CNTNAP2: variants seen among roughly 807,000 people sequenced by gnomAD.
CNTNAP2 encodes contactin-associated protein-like 2.
CNTNAP2 carries 98 observed loss-of-function variants against 155.2 expected under a neutral mutation model. The observed-to-expected ratio is 0.63, with a 90% CI of 0.54 to 0.75. The LOEUF is 0.75. Among genes scored for constraint, CNTNAP2 ranks in the 30% least tolerant of loss-of-function variants. The pLI is 0.00. For synonymous variants in CNTNAP2, 651 were observed against 631.2 expected, an observed-to-expected ratio of 1.03 and a Z score of -0.47; for missense variants, 1,727 against 1,688.1, an observed-to-expected ratio of 1.02 and a Z score of -0.40.
chr7:147,872,530 G>T (rs1382007221), intron 13 of CNTNAP2, among the ~76,000 whole-genome samples: 1 of 152,160 alleles, frequency 6.6e-6, no homozygotes, highest in Non-Finnish European at 1.5e-5. Flanking sequence ...CTGGAGATGA[G>T]CTCTTTCAAC....
intron 3 of CNTNAP2, among the ~76,000 whole-genome samples, chr7:147,041,400 T>C (rs758213276): frequency 2.6e-5 from 4 of 152,202 alleles, no homozygotes; most frequent in Non-Finnish European, 5.9e-5. Context: ...CTAGAGAGGC[T>C]ACCCATACAA....
intron 1 of CNTNAP2, among the ~76,000 whole-genome samples, chr7:146,421,972 A>T (rs188315937): frequency 6.6e-6 from 1 of 152,012 alleles, no homozygotes; most frequent in Admixed American, 6.6e-5. Context: ...AGATCTTTTT[A>T]TATTAGCACA....
At chr7:147,864,150 A>T (rs993906031) in intron 13 of CNTNAP2, among the ~76,000 whole-genome samples, 2 of 152,172 alleles carry the variant, frequency 1.3e-5, no homozygotes, top group African/African-American at 4.8e-5. Flanking sequence ...ACATATGGCT[A>T]GCCAGTTTTC....
At chr7:147,158,983 G>A (rs1801976619) in intron 8 of CNTNAP2, among the ~76,000 whole-genome samples, 1 of 152,090 alleles carries the variant, frequency 6.6e-6, no homozygotes, top group African/African-American at 2.4e-5. Context: ...CTTCCCTGAG[G>A]ATTCAGTGGT....
intron 13 of CNTNAP2, among the ~76,000 whole-genome samples, chr7:147,740,838 A>T (rs1486696859): frequency 2.0e-5 from 3 of 152,204 alleles, no homozygotes; most frequent in Non-Finnish European, 2.9e-5. Flanking sequence ...TGGAAGCAGG[A>T]CAGGGAAGGA....
chr7:147,720,492 A>G (rs1454329895), intron 13 of CNTNAP2, among the ~76,000 whole-genome samples: 1 of 152,136 alleles, frequency 6.6e-6, no homozygotes, highest in Non-Finnish European at 1.5e-5. Flanking sequence ...ATCCTTTCAA[A>G]AGTTTAATGC....
chr7:148,242,155 A>T (rs1232827889), intron 20 of CNTNAP2, among the ~76,000 whole-genome samples: 1 of 152,198 alleles, frequency 6.6e-6, no homozygotes, highest in Non-Finnish European at 1.5e-5. Context: ...GCAAAGCATC[A>T]TACTGTTATA....
intron 16 of CNTNAP2, among the ~76,000 whole-genome samples, chr7:148,127,541 A>C (rs781186893): frequency 1.3e-5 from 2 of 152,230 alleles, no homozygotes; most frequent in Non-Finnish European, 2.9e-5. Context: ...ATGTCCTACT[A>C]ATCTTAGGAA....
chr7:146,151,372 T>A (rs922162247), intron 1 of CNTNAP2, among the ~76,000 whole-genome samples: 2 of 151,788 alleles, frequency 1.3e-5, no homozygotes, highest in Non-Finnish European at 2.9e-5. Context: ...CTTGTACCCT[T>A]TAATCAATAT....
chr7:147,862,385 C>A (rs1381308666), intron 13 of CNTNAP2, among the ~76,000 whole-genome samples: 1 of 114,552 alleles, frequency 8.7e-6, no homozygotes, highest in African/African-American at 3.5e-5. Context: ...TCCGAAATCA[C>A]AGAATAAATT....
At chr7:146,395,024 A>G (rs555436204) in intron 1 of CNTNAP2, among the ~76,000 whole-genome samples, 17 of 152,310 alleles carry the variant, frequency 1.1e-4, no homozygotes, top group African/African-American at 2.6e-4. Flanking sequence ...GTTCACCTCA[A>G]TAATGATCTC....
At chr7:147,717,080 C>G (rs1796490797) in intron 13 of CNTNAP2, among the ~76,000 whole-genome samples, 1 of 151,870 alleles carries the variant, frequency 6.6e-6, no homozygotes, top group Non-Finnish European at 1.5e-5. Context: ...AGCTTATCAC[C>G]AAAATCTGGG....
intron 4 of CNTNAP2, among the ~76,000 whole-genome samples, chr7:147,063,178 G>T (rs1432490333): frequency 1.3e-5 from 2 of 152,180 alleles, no homozygotes; most frequent in Non-Finnish European, 2.9e-5. Context: ...TTAGTGCTTA[G>T]CCCCATGCTC....
intron 4 of CNTNAP2, among the ~76,000 whole-genome samples, chr7:147,095,081 G>A (rs1205529562): frequency 6.6e-6 from 1 of 151,834 alleles, no homozygotes. Flanking sequence ...GTGCAATGGC[G>A]CAGTCTCGGC....
chr7:147,743,676 G>C (rs1796992204), intron 13 of CNTNAP2, among the ~76,000 whole-genome samples: 1 of 128,502 alleles, frequency 7.8e-6, no homozygotes, highest in Admixed American at 8.9e-5. Context: ...TCTCCTTCCT[G>C]ACCTCTCATA....
intron 2 of CNTNAP2, among the ~76,000 whole-genome samples, chr7:146,801,803 T>C (rs755301462): frequency 6.6e-5 from 10 of 152,168 alleles, no homozygotes; most frequent in Non-Finnish European, 1.2e-4. Context: ...AAATAGCAGA[T>C]ACGGTGAATT....
intron 9 of CNTNAP2, among the ~76,000 whole-genome samples, chr7:147,382,901 CTT>C (rs145315358): frequency 3.9e-5 from 6 of 152,240 alleles, no homozygotes; most frequent in African/African-American, 1.4e-4. Context: ...CCTTCTCAAA[CTT>C]TTTAATACTG....
intron 13 of CNTNAP2, among the ~76,000 whole-genome samples, chr7:147,804,136 A>G (rs576622678): frequency 7.2e-5 from 11 of 152,240 alleles, no homozygotes; most frequent in Non-Finnish European, 1.2e-4. Context: ...CTAGATCTTT[A>G]TAAATACCAG....
At chr7:147,056,280 C>T (rs890143793) in intron 4 of CNTNAP2, among the ~76,000 whole-genome samples, 20 of 152,188 alleles carry the variant, frequency 1.3e-4, no homozygotes, top group African/African-American at 4.6e-4. Context: ...CTCTTTTAAA[C>T]TTGCTGTGTT....
Sources: allele counts gnomAD v4.1 joint callset (sites outside exome capture counted in the v4.1 genomes callset), GRCh38; gene constraint gnomAD v4.1.1; transcripts MANE v1.5; gene names NCBI Gene and HGNC (gene_info 2026-07-23, HGNC 2026-07-21).